ZNF91: variants seen among roughly 807,000 people sequenced by gnomAD.
ZNF91 encodes zinc finger protein 91.
ZNF91 carries 7 observed loss-of-function variants against 12.6 expected under a neutral mutation model. That is an observed-to-expected ratio of 0.55 (90% confidence interval 0.31 to 1.04). ZNF91 has a LOEUF of 1.04. Ranked by LOEUF, ZNF91 falls within the 50% of genes least tolerant of loss-of-function variation. ZNF91 has a pLI of 0.05. For missense variants in ZNF91, 1,217 were observed against 1,385.4 expected (o/e 0.88, Z 1.93); for synonymous variants, 453 against 462.6 (o/e 0.98, Z 0.27).
intron 1 of ZNF91, among the ~76,000 whole-genome samples, chr19:23,394,110 A>G (rs1391548926): frequency 6.6e-6 from 1 of 152,192 alleles, no homozygotes; most frequent in African/African-American, 2.4e-5. Flanking sequence ...GTCAGACGAA[A>G]CTGGAAATTT....
Position 23,380,249 on chromosome 19 carries a change from G to A in ZNF91, c.31-5485C>T, listed in dbSNP as rs937511021. 2.1e-4 allele frequency: 26 copies of A among 126,198 alleles called. 1 individual carries two copies. Among genetic ancestry groups the A allele is most frequent in the Admixed American group, 1.2e-3 (13 of 10,926 alleles). 7.8% of individuals were successfully genotyped at this position (126,198 alleles called of 1,614,324 possible). The stretch of plus-strand genomic sequence containing the variant: ...ACCATTGCACTCTGGCCTGGGCAAT[G>A]GGGGGAAAATCCGTCTCAAAAAAAA... On this transcript the variant is annotated intron_variant, in intron 1 of 3. Coordinates refer to ENST00000300619, the MANE Select transcript of ZNF91 (RefSeq NM_003430.4).
At chr19:23,386,164 T>C (rs1969865316) in intron 1 of ZNF91, among the ~76,000 whole-genome samples, 1 of 152,006 alleles carries the variant, frequency 6.6e-6, no homozygotes, top group Non-Finnish European at 1.5e-5. Flanking sequence ...AAGTCAGAAA[T>C]GGCACAAATG....
At chr19:23,322,547 C>A (rs1156688755) in intron 1 of ZNF91, among the ~76,000 whole-genome samples, 1 of 152,140 alleles carries the variant, frequency 6.6e-6, no homozygotes, top group Non-Finnish European at 1.5e-5. Flanking sequence ...CTGAAATAAT[C>A]TGGATTTTTT....
intron 3 of ZNF91, among the ~76,000 whole-genome samples, chr19:23,341,869 C>T (rs1968132543): frequency 6.6e-6 from 1 of 152,102 alleles, no homozygotes; most frequent in African/African-American, 2.4e-5. Flanking sequence ...CAGAAATATT[C>T]TTATACTCCC....
At chr19:23,327,972 T>G (rs1967866431) in intron 1 of ZNF91, 1 of 152,212 alleles carries the variant, frequency 6.6e-6, no homozygotes. Flanking sequence ...CACAACTTAA[T>G]TTTCCTAAGT....
At chr19:23,375,247 G>A (rs1234362805) in intron 1 of ZNF91, among the ~76,000 whole-genome samples, 2 of 151,616 alleles carry the variant, frequency 1.3e-5, no homozygotes, top group African/African-American at 2.4e-5. Context: ...TGCAAGCTCC[G>A]CCTCCCGGGT....
intron 3 of ZNF91, among the ~76,000 whole-genome samples, chr19:23,305,744 T>C (rs1347566129): frequency 1.3e-5 from 2 of 152,224 alleles, no homozygotes; most frequent in East Asian, 3.9e-4. Flanking sequence ...CAACTGTAGA[T>C]TAATCAAGAC....
At chr19:23,394,008 A>T (rs2145149325) in intron 1 of ZNF91, among the ~76,000 whole-genome samples, 1 of 152,324 alleles carries the variant, frequency 6.6e-6, no homozygotes, top group Non-Finnish European at 1.5e-5. Context: ...AAAAATTAAA[A>T]ATAAAAATGA....
chr19:23,376,503 C>G (rs1456996790), intron 1 of ZNF91, among the ~76,000 whole-genome samples: 1 of 151,908 alleles, frequency 6.6e-6, no homozygotes, highest in Non-Finnish European at 1.5e-5. Context: ...AATTCTCCTG[C>G]CTCAGCCTGC....
chr19:23,336,425 G>A (rs1968008653), downstream of ZNF91, among the ~76,000 whole-genome samples: 1 of 152,312 alleles, frequency 6.6e-6, no homozygotes, highest in African/African-American at 2.4e-5. Flanking sequence ...AGGTATGGAT[G>A]TTTACACAGC....
chr19:23,315,536 A>C (rs1343188244), upstream of ZNF91, among the ~76,000 whole-genome samples: 1 of 151,268 alleles, frequency 6.6e-6, no homozygotes, highest in African/African-American at 2.5e-5. Flanking sequence ...CCACTGCAAC[A>C]TATCTTTGGG....
upstream of ZNF91, among the ~76,000 whole-genome samples, chr19:23,314,211 G>A (rs426564): frequency 2.0e-5 from 3 of 151,932 alleles, no homozygotes; most frequent in Admixed American, 6.6e-5. Context: ...TAGATTCTGC[G>A]AACAGGGGGA....
rs1192902594 is a variant in ZNF91, at chr19:23,358,297, GTT to G, written c.*1104_*1105del. 6.6e-6 allele frequency: 1 copy of G among 151,994 alleles called. No homozygotes were observed. The highest frequency in any genetic ancestry group is 1.5e-5 in the Non-Finnish European group (1 of 67,988). The allele number at this position is 151,994 out of a possible 1,614,324, so 9.4% of individuals were successfully genotyped here. ...CTAAACTTTAACTAAAATTAAGAAT[GTT>G]TTTCTTTCATAATAATGCAGAATAT... On this transcript the variant is annotated 3_prime_UTR_variant, in exon 4 of 4. Coordinates refer to ENST00000300619, the MANE Select transcript of ZNF91 (RefSeq NM_003430.4).
chr19:23,390,907 T>C (rs543281122), intron 1 of ZNF91, among the ~76,000 whole-genome samples: 28 of 152,358 alleles, frequency 1.8e-4, no homozygotes, highest in South Asian at 8.3e-4. Context: ...CAGTCTACCA[T>C]TGATAGGCAT....
At chr19:23,390,813 G>C (rs553061103) in intron 1 of ZNF91, among the ~76,000 whole-genome samples, 2 of 152,050 alleles carry the variant, frequency 1.3e-5, no homozygotes, top group East Asian at 1.9e-4. Flanking sequence ...CCTGAGCTCA[G>C]GCAATCCACC....
At position 23,373,373 on chromosome 19, in the gene ZNF91, TATATATATATATAA is replaced by T. The variant is rs953793228; in HGVS notation, c.253+355_253+368del. Among the ~76,000 whole-genome samples, 71 of 85,244 alleles carry T rather than the reference TATATATATATATAA, an allele frequency of 8.3e-4. 1 individual carries two copies. Among genetic ancestry groups the T allele is most frequent in the Non-Finnish European group, 1.4e-3 (52 of 36,778 alleles). 55.9% of individuals were successfully genotyped at this position (85,244 alleles called of 152,430 possible). A position where few individuals can be genotyped will look rare whatever the true frequency, so the allele number is the denominator to read the frequency against. On this transcript the variant is annotated intron_variant, in intron 3 of 3. Coordinates refer to ENST00000300619, the MANE Select transcript of ZNF91 (RefSeq NM_003430.4). ...ATATATATATATATATATATATATA[TATATATATATATAA>T]ATAAACAGTACTTTAAAACCTGTTT...
At chr19:23,348,533 A>G (rs1968287747) in intron 3 of ZNF91, among the ~76,000 whole-genome samples, 1 of 152,158 alleles carries the variant, frequency 6.6e-6, no homozygotes, top group South Asian at 2.1e-4. Context: ...CATCTTTGTA[A>G]GCTGAGGATG....
rs60953814 is a variant in ZNF91, at chr19:23,383,236, C to T, written c.31-8472G>A. Among the ~76,000 whole-genome samples, 232 of 152,302 alleles carry T rather than the reference C, an allele frequency of 1.5e-3. 4 individuals are homozygous for T. The East Asian group carries it at 0.038, about 25-fold the overall frequency. On this transcript the variant is annotated intron_variant, in intron 1 of 3. Transcript: ENST00000300619. ...ATCACATAAAAAGAACTACTAAAGA[C>T]AGAAACCACAAGATTACCTCAGTAG...
chr19:23,355,273 A>G (rs534804204), downstream of ZNF91, among the ~76,000 whole-genome samples: 1 of 152,226 alleles, frequency 6.6e-6, no homozygotes, highest in African/African-American at 2.4e-5. Context: ...ACATAGACCA[A>G]TGGAACAGAG....
Sources: gnomAD v4.1 joint callset for allele counts (sites outside exome capture counted in the v4.1 genomes callset) on GRCh38, gnomAD v4.1.1 for gene constraint, MANE v1.5 for transcripts, NCBI Gene and HGNC (gene_info 2026-07-23, HGNC 2026-07-21) for gene names.